PCDH15: variants seen among roughly 807,000 people sequenced by gnomAD.
The protein encoded by PCDH15 is protocadherin related 15.
Under a neutral mutation model 178.5 loss-of-function variants are expected in PCDH15, and 129 were observed. That is an observed-to-expected ratio of 0.72 (90% CI 0.63 to 0.84). The LOEUF (loss-of-function observed/expected upper bound fraction) is 0.84, where lower values mean the gene tolerates loss of function less well. PCDH15 is among the 40% of genes least tolerant of loss of function. PCDH15 has a pLI of 0.00. For synonymous variants in PCDH15, 800 were observed against 732.0 expected (o/e 1.09, Z -1.50); for missense variants, 2,230 against 2,099.9 (o/e 1.06, Z -1.21).
chr10:54,386,854 A>T (rs1387174329), intron 3 of PCDH15, among the ~76,000 whole-genome samples: 1 of 152,166 alleles, frequency 6.6e-6, no homozygotes, highest in Non-Finnish European at 1.5e-5. Flanking sequence ...AAACACTACA[A>T]TGTTGGTTGG....
intron 21 of PCDH15, among the ~76,000 whole-genome samples, chr10:53,971,769 C>T (rs974775814): frequency 2.6e-5 from 4 of 152,088 alleles, no homozygotes; most frequent in South Asian, 2.1e-4. Flanking sequence ...CTACAAACCA[C>T]GGCTCAAGGA....
intron 32 of PCDH15, chr10:53,822,024 C>T: frequency 6.2e-7 from 1 of 1,613,964 alleles, no homozygotes; most frequent in Non-Finnish European, 8.5e-7. Context: ...TTCTATTTGA[C>T]TGTACATGTT....
At chr10:54,565,713 T>C (rs994870844) in intron 2 of PCDH15, among the ~76,000 whole-genome samples, 1 of 152,186 alleles carries the variant, frequency 6.6e-6, no homozygotes, top group South Asian at 2.1e-4. Context: ...AAAACTTAAT[T>C]TCTCGTGTTT....
chr10:55,465,810 A>T (rs1839819668), intron 2 of PCDH15, among the ~76,000 whole-genome samples: 1 of 152,194 alleles, frequency 6.6e-6, no homozygotes, highest in African/African-American at 2.4e-5. Flanking sequence ...TTGTCAAAGG[A>T]TCTTTTAAGT....
At chr10:54,363,953 C>G (rs890383512) in intron 5 of PCDH15, among the ~76,000 whole-genome samples, 1 of 151,982 alleles carries the variant, frequency 6.6e-6, no homozygotes, top group Non-Finnish European at 1.5e-5. Context: ...TGGCTCATGC[C>G]TGTAATCTCA....
chr10:54,974,366 T>TG (rs1839014756), intron 2 of PCDH15, among the ~76,000 whole-genome samples: 1 of 151,996 alleles, frequency 6.6e-6, no homozygotes, highest in Non-Finnish European at 1.5e-5. Context: ...TATGTATGCA[T>TG]ATAATTTAGC....
intron 13 of PCDH15, among the ~76,000 whole-genome samples, chr10:54,182,381 T>C (rs768198604): frequency 1.1e-4 from 16 of 152,192 alleles, no homozygotes; most frequent in South Asian, 6.2e-4. Flanking sequence ...GGCATTACAG[T>C]GGCAAACAAG....
chr10:54,400,996 T>C (rs1411135565), intron 3 of PCDH15, among the ~76,000 whole-genome samples: 2 of 151,988 alleles, frequency 1.3e-5, no homozygotes, highest in African/African-American at 4.8e-5. Context: ...ATTTGGAGCT[T>C]AAAAGTATTC....
intron 2 of PCDH15, among the ~76,000 whole-genome samples, chr10:55,430,833 A>C (rs1302759026): frequency 2.6e-5 from 4 of 152,192 alleles, no homozygotes; most frequent in Non-Finnish European, 4.4e-5. Flanking sequence ...GGCTTTAGTT[A>C]ATAATTATAT....
intron 16 of PCDH15, among the ~76,000 whole-genome samples, chr10:54,085,540 C>CA (rs2094501867): frequency 2.6e-5 from 4 of 152,036 alleles, no homozygotes; most frequent in Non-Finnish European, 4.4e-5. Flanking sequence ...TGAATATTTG[C>CA]TAAATCATAT....
chr10:54,546,844 T>G (rs1390490431), intron 2 of PCDH15, among the ~76,000 whole-genome samples: 1 of 152,154 alleles, frequency 6.6e-6, no homozygotes, highest in African/African-American at 2.4e-5. Flanking sequence ...CGCATGATTC[T>G]CCTCAATTCA....
chr10:54,672,057 G>A (rs1026702348), intron 1 of PCDH15, among the ~76,000 whole-genome samples: 1 of 151,936 alleles, frequency 6.6e-6, no homozygotes, highest in Non-Finnish European at 1.5e-5. Context: ...CACATACAAG[G>A]GTTCCAGGTT....
intron 26 of PCDH15, among the ~76,000 whole-genome samples, chr10:53,891,306 C>T (rs1417615205): frequency 2.0e-5 from 3 of 152,168 alleles, no homozygotes; most frequent in Non-Finnish European, 4.4e-5. Flanking sequence ...TCTTGCTCTA[C>T]AGATGATGGA....
chr10:54,872,262 C>A (rs1287670402), intron 3 of PCDH15, among the ~76,000 whole-genome samples: 1 of 151,838 alleles, frequency 6.6e-6, no homozygotes, highest in East Asian at 1.9e-4. Flanking sequence ...TCATTTATTT[C>A]TTTTAGTTAT....
intron 2 of PCDH15, among the ~76,000 whole-genome samples, chr10:55,356,174 A>T (rs1375741690): frequency 2.0e-5 from 3 of 151,830 alleles, no homozygotes; most frequent in Non-Finnish European, 4.4e-5. Context: ...TTTTTTGTTA[A>T]TTTCTCAACA....
Position 53,827,568 on chromosome 10 carries a change from G to C in PCDH15, c.4212-20C>G, listed in dbSNP as rs775958545. 2 of 1,613,854 alleles carry C rather than the reference G, an allele frequency of 1.2e-6. No individual in the cohort carries two copies. The highest frequency in any genetic ancestry group is 1.3e-5 in the African/African-American group (1 of 74,934). On this transcript the variant is annotated intron_variant, in intron 31 of 37. Coordinates refer to ENST00000644397, the MANE Select transcript of PCDH15 (RefSeq NM_001384140.1). ...TGACGTCTTGGATAAAGTAAGGATG[G>C]CTTGTAAAACTCATTTTAGAAATCA...
At chr10:55,568,599 G>T (rs1842349115) in intron 2 of PCDH15, among the ~76,000 whole-genome samples, 1 of 151,884 alleles carries the variant, frequency 6.6e-6, no homozygotes, top group Non-Finnish European at 1.5e-5. Flanking sequence ...TGGCTTAAAA[G>T]AACAGAATTA....
In PCDH15 at chr10:53,821,999, G is replaced by A. The variant is rs2132481863; in HGVS notation, c.4368-1769C>T. ...TAGTTTGAAGTTCTGAAACATTTGT[G>A]CGTAGATAGTTTTTTTCTATTTGAC... On this transcript the variant is annotated intron_variant, in intron 32 of 37. Coordinates refer to ENST00000644397, the MANE Select transcript of PCDH15 (RefSeq NM_001384140.1). 6.2e-7 allele frequency: 1 copy of A among 1,613,936 alleles called. No individual in the cohort carries two copies. Among genetic ancestry groups the A allele is most frequent in the Non-Finnish European group, 8.5e-7 (1 of 1,179,882 alleles).
rs199868166 is a variant in PCDH15, at chr10:53,903,188, T to A, written c.3501+55A>T. ...ATGCAAACTACAGGCTTACAGCTTA[T>A]CTGCAAAACCTGAGCTTTTACTTTA... On this transcript the variant is annotated intron_variant, in intron 26 of 37. Coordinates refer to ENST00000644397, the MANE Select transcript of PCDH15 (RefSeq NM_001384140.1). 13 of 1,601,960 alleles carry A rather than the reference T, an allele frequency of 8.1e-6. No homozygotes were observed. The South Asian group carries it at 1.3e-4, about 16-fold the overall frequency.
Sources: gnomAD v4.1 joint callset for allele counts (sites outside exome capture counted in the v4.1 genomes callset) on GRCh38, gnomAD v4.1.1 for gene constraint, MANE v1.5 for transcripts, NCBI Gene and HGNC (gene_info 2026-07-23, HGNC 2026-07-21) for gene names.